The following MTMR12 variants were observed in gnomAD, a reference collection of about 807,000 sequenced individuals.
MTMR12 encodes myotubularin related protein 12, also known as myotubularin-related protein 12.
Under a neutral mutation model 96.7 loss-of-function variants are expected in MTMR12, and 33 were observed. The observed-to-expected ratio is 0.34, with a 90% CI of 0.26 to 0.46. The LOEUF (loss-of-function observed/expected upper bound fraction) is 0.46. Ranked by LOEUF, MTMR12 falls within the 20% of genes least tolerant of loss-of-function variation. MTMR12 has a pLI of 1.00. For synonymous variants in MTMR12, 298 were observed against 327.2 expected (o/e 0.91, Z 0.96); for missense variants, 721 against 896.1 (o/e 0.80, Z 2.49).
At chr5:32,275,043 T>C (rs1749999872) in intron 2 of MTMR12, among the ~76,000 whole-genome samples, 1 of 152,078 alleles carries the variant, frequency 6.6e-6, no homozygotes, top group Non-Finnish European at 1.5e-5. Context: ...CAGATAACCA[T>C]CTTCTCCTTG....
intron 1 of MTMR12, among the ~76,000 whole-genome samples, chr5:32,286,314 G>A (rs61166310): frequency 0.031 from 4,718 of 152,150 alleles, 245 homozygotes; most frequent in African/African-American, 0.11. Context: ...GCACTCCAGT[G>A]TGGGTGACAG....
At chr5:32,234,033 T>C in intron 14 of MTMR12, 99 bp from the exon 15 acceptor site, 2 of 1,384,632 alleles carry the variant, frequency 1.4e-6, no homozygotes, top group Non-Finnish European at 2.0e-6. Flanking sequence ...GCTCCTGCTC[T>C]GCCCTGAGAA....
At position 32,270,888 on chromosome 5, in the gene MTMR12, T is replaced by G; in HGVS notation, c.418A>C (p.Ile140Leu). Residue 140 changes from isoleucine to leucine, a missense_variant, in exon 5 of 16, where the codon ATC becomes CTC. Physicochemically the swap from Ile to Leu is conservative, Grantham distance 5 (BLOSUM62 2). Coordinates refer to ENST00000382142, the MANE Select transcript of MTMR12 (RefSeq NM_001040446.3). ...ACTCGAAGGTCTTTGCAGTGGATGA[T>G]GAGCTTCTCAGGGTATTTCTTCAGT... ...GQLKKYPEKL[I>L]IHCKDLRVFQ... The G allele has an allele frequency of 6.2e-7, 1 of 1,614,102 alleles. No individual in the cohort carries two copies. Among genetic ancestry groups the G allele is most frequent in the Non-Finnish European group, 8.5e-7 (1 of 1,179,960 alleles).
chr5:32,229,817 G>A lies in MTMR12; in HGVS notation c.2205C>T (p.Ala735=), dbSNP rs752513541. ...GGTCCACGAACTCATCTTCTCGTTTGGCCAAATCGTCTTCATCTCCCAAAG... is the reference window on the plus strand; with the variant it reads ...GGTCCACGAACTCATCTTCTCGTTTAGCCAAATCGTCTTCATCTCCCAAAG... ...WKALGDEDDL[A]KREDEFVDLG... Residue 735 remains alanine (A), a synonymous_variant, in exon 16 of 16, where the codon GCC becomes GCT. Transcript: ENST00000382142. The A allele has an allele frequency of 1.9e-6, 3 of 1,567,528 alleles. No individual in the cohort carries two copies. The highest frequency in any genetic ancestry group is 2.6e-6 in the Non-Finnish European group (3 of 1,157,648).
intron 2 of MTMR12, among the ~76,000 whole-genome samples, chr5:32,276,143 G>C (rs1750042772): frequency 6.6e-6 from 1 of 152,210 alleles, no homozygotes; most frequent in African/African-American, 2.4e-5. Flanking sequence ...TTAAGCTAAA[G>C]TCACTGTCCT....
Position 32,233,383 on chromosome 5 carries a change from CT to C in MTMR12, c.1674+389del, listed in dbSNP as rs1467734863. ...GCACAGCTCATTAAGAAAAGTCTTACTATTTATTATAATAAATGAACTGGTA... is the reference window on the plus strand; with the variant it reads ...GCACAGCTCATTAAGAAAAGTCTTACATTTATTATAATAAATGAACTGGTA... On this transcript the variant is annotated intron_variant, in intron 15 of 15. Coordinates refer to ENST00000382142, the MANE Select transcript of MTMR12 (RefSeq NM_001040446.3). This position sits in a 1 kb window ranked among gnomAD's most constrained non-coding sequence, Gnocchi z 5.0. Among the ~76,000 whole-genome samples the C allele has an allele frequency of 6.6e-6, 1 of 151,944 alleles. No individual in the cohort carries two copies. Among genetic ancestry groups the C allele is most frequent in the African/African-American group, 2.4e-5 (1 of 41,324 alleles).
Position 32,312,630 on chromosome 5 carries a change from G to A in MTMR12, c.81+128C>T. 2 of 875,404 alleles carry A rather than the reference G, an allele frequency of 2.3e-6. No homozygotes were observed. Among genetic ancestry groups the A allele is most frequent in the South Asian group, 4.9e-5 (1 of 20,516 alleles). 54.2% of individuals were successfully genotyped at this position (875,404 alleles called of 1,614,324 possible). A position where few individuals can be genotyped will look rare whatever the true frequency, so the allele number is the denominator to read the frequency against. On this transcript the variant is annotated intron_variant, in intron 1 of 15. Coordinates refer to ENST00000382142, the MANE Select transcript of MTMR12 (RefSeq NM_001040446.3). The surrounding 1 kb of genome is among the most constrained non-coding windows in gnomAD (Gnocchi z 5.0). ...CGCTCCTGCGGCCTCAGCCCGCCTG[G>A]CTGCCCCGTCGCCCGGCACAAGGGC... is the stretch of plus-strand genomic sequence containing the variant.
At chr5:32,300,550 A>G (rs1288626102) in intron 1 of MTMR12, among the ~76,000 whole-genome samples, 4 of 151,952 alleles carry the variant, frequency 2.6e-5, no homozygotes, top group Non-Finnish European at 5.9e-5. Context: ...CACCACACTG[A>G]GGGCCTCTCT....
At chr5:32,284,262 G>A (rs915332405) in intron 1 of MTMR12, among the ~76,000 whole-genome samples, 6 of 143,954 alleles carry the variant, frequency 4.2e-5, no homozygotes, top group African/African-American at 1.6e-4. Flanking sequence ...AGGCTGCAGT[G>A]AGCTATGATT....
chr5:32,268,845 C>G lies in MTMR12; in HGVS notation c.490-51G>C, dbSNP rs562429643. The G allele has an allele frequency of 2.8e-6, 4 of 1,449,642 alleles. No homozygotes were observed. In the African/African-American group the frequency reaches 4.2e-5, roughly 15 times the overall value. The allele number at this position is 1,449,642 out of a possible 1,614,324, so 89.8% of individuals were successfully genotyped here. ...TAGTTATGGTTTTGACAGATAAACACTAACAAAGACAAGAGTCAAGGTGTC... is the reference window on the plus strand; with the variant it reads ...TAGTTATGGTTTTGACAGATAAACAGTAACAAAGACAAGAGTCAAGGTGTC... On this transcript the variant is annotated intron_variant, in intron 5 of 15. Transcript: ENST00000382142.
chr5:32,249,175 T>C (rs956690457), intron 8 of MTMR12, among the ~76,000 whole-genome samples: 17 of 152,228 alleles, frequency 1.1e-4, no homozygotes, highest in African/African-American at 2.7e-4. Flanking sequence ...ATTATTAGGA[T>C]AGTAGCTATC....
intron 8 of MTMR12, 24 bp from the exon 9 acceptor site, chr5:32,248,902 C>T (rs1318594772): frequency 1.3e-6 from 2 of 1,578,966 alleles, no homozygotes; most frequent in Admixed American, 1.7e-5. Flanking sequence ...TAAAGCTTTA[C>T]CAGATACAAT....
At chr5:32,259,210 T>C (rs971072735) in intron 7 of MTMR12, among the ~76,000 whole-genome samples, 2 of 152,316 alleles carry the variant, frequency 1.3e-5, no homozygotes, top group Middle Eastern at 3.4e-3. Flanking sequence ...AAATTGTGTA[T>C]CTACTCAGGC....
intron 1 of MTMR12, among the ~76,000 whole-genome samples, chr5:32,303,137 A>T (rs1751213292): frequency 6.6e-6 from 1 of 152,228 alleles, no homozygotes; most frequent in East Asian, 1.9e-4. Flanking sequence ...AAGGTTAACT[A>T]CATCTAAGTA....
chr5:32,266,290 G>A (rs891996031), intron 6 of MTMR12, among the ~76,000 whole-genome samples: 4 of 152,084 alleles, frequency 2.6e-5, no homozygotes, highest in African/African-American at 7.2e-5. Context: ...CACAGAACCC[G>A]GCTTACAGCA....
At chr5:32,240,196 C>T (rs1748410627) in intron 12 of MTMR12, among the ~76,000 whole-genome samples, 1 of 152,058 alleles carries the variant, frequency 6.6e-6, no homozygotes. Context: ...GTCAGGAGTT[C>T]GAGACCAGTC....
intron 10 of MTMR12, 189 bp downstream of exon 10, chr5:32,247,813 G>A (rs1748758901): frequency 1.0e-6 from 1 of 984,262 alleles, no homozygotes; most frequent in Admixed American, 6.2e-5. Flanking sequence ...GGCGGGGAGG[G>A]AAAGCCTGGA....
chr5:32,308,105 C>T (rs1396731287), intron 1 of MTMR12, among the ~76,000 whole-genome samples: 2 of 152,162 alleles, frequency 1.3e-5, no homozygotes, highest in Non-Finnish European at 2.9e-5. Context: ...GGGCGGGTCA[C>T]GAGGTCAGGA....
chr5:32,247,966 T>C (rs1369023499), intron 10 of MTMR12, 36 bp downstream of exon 10: 2 of 1,603,598 alleles, frequency 1.2e-6, no homozygotes, highest in African/African-American at 1.3e-5. Flanking sequence ...TCTTTCCCCA[T>C]ATAACACAAA....
Sources: gnomAD v4.1 joint callset for allele counts (sites outside exome capture counted in the v4.1 genomes callset) on GRCh38, gnomAD v4.1.1 for gene constraint, Gnocchi (gnomAD v3.1) non-coding constraint, MANE v1.5 for transcripts, NCBI Gene and HGNC (gene_info 2026-07-23, HGNC 2026-07-21) for gene names.